The following FOXJ1 variants were observed in gnomAD, a reference collection of about 807,000 sequenced individuals.
The protein encoded by FOXJ1 is forkhead box protein J1.
Under a neutral mutation model 29.3 loss-of-function variants are expected in FOXJ1, and 8 were observed. The observed-to-expected ratio is 0.27, with a 90% CI of 0.16 to 0.49. The LOEUF is 0.49. Among genes scored for constraint, FOXJ1 ranks in the 20% least tolerant of loss-of-function variants. FOXJ1 has a pLI of 0.98. For missense variants in FOXJ1, 539 were observed against 595.5 expected (o/e 0.91, Z 0.99); for synonymous variants, 280 against 278.7 (o/e 1.00, Z -0.05).
rs2068509399 is a variant in FOXJ1 at position 76,140,457 on chromosome 17, C to A, written c.-62G>T. ...ACGGGCTGAGCCGGGGGTGGCCCGC[C>A]GCGCTCTCTGGCCCGCTGAGTCCCG... On this transcript the variant is annotated 5_prime_UTR_variant, in exon 2 of 3. Transcript: ENST00000322957. This position sits in a 1 kb window ranked among gnomAD's most constrained non-coding sequence, Gnocchi z 8.0. The A allele has an allele frequency of 3.0e-6, 4 of 1,345,010 alleles. No homozygotes were observed. The highest frequency in any genetic ancestry group is 3.8e-6 in the Non-Finnish European group (4 of 1,048,126). 83.3% of individuals were successfully genotyped at this position (1,345,010 alleles called of 1,614,324 possible).
rs768447827 is a variant in FOXJ1 at position 76,138,013 on chromosome 17, C to T, written c.606G>A (p.Ala202=). The T allele has an allele frequency of 8.7e-6, 14 of 1,613,436 alleles. No homozygotes were observed. Among genetic ancestry groups the T allele is most frequent in the South Asian group, 5.5e-5 (5 of 91,012 alleles). ...TGAAAGCGCCGCTCAGTAGCCGCTC[C>T]GCGTACTGGGGGTCAATGCGCCAGA... ...GGFWRIDPQY[A]ERLLSGAFKK... is the part of the protein sequence containing the mutation. Residue 202 remains alanine, a synonymous_variant, in exon 3 of 3, where the codon GCG becomes GCA. Coordinates refer to ENST00000322957, the MANE Select transcript of FOXJ1 (RefSeq NM_001454.4).
At position 76,140,013 on chromosome 17, in the gene FOXJ1, G is replaced by A. The variant is rs1337903167; in HGVS notation, c.383C>T (p.Thr128Met). The A allele has an allele frequency of 3.1e-6, 5 of 1,613,396 alleles. No individual in the cohort carries two copies. Among genetic ancestry groups the A allele is most frequent in the Non-Finnish European group, 4.2e-6 (5 of 1,179,958 alleles). ...GGCCTGCATGGCCATGCAGATGAGC[G>A]TGGCATACGAGTAGGGAGGCTTCAC... ...PHVKPPYSYA[T>M]LICMAMQASK... is the part of the protein sequence containing the mutation. Residue 128 changes from threonine to methionine, a missense_variant, in exon 2 of 3, where the codon ACG becomes ATG. Physicochemically the swap from Thr to Met is moderately conservative, Grantham distance 81 (BLOSUM62 -1). Transcript: ENST00000322957. This position sits in a 1 kb window ranked among gnomAD's most constrained non-coding sequence, Gnocchi z 8.0.
chr17:76,137,939 T>A lies in FOXJ1; in HGVS notation c.680A>T (p.Gln227Leu). The A allele has an allele frequency of 6.3e-7, 1 of 1,579,560 alleles. No homozygotes were observed. Among genetic ancestry groups the A allele is most frequent in the Non-Finnish European group, 8.6e-7 (1 of 1,162,946 alleles). Reference sequence around the variant, plus strand: ...GACAGCGCTGGGCTCCTGCGCGGCCTGGCGGGCAAAGGCTGGGTGGATGTG... The same window carrying A: ...GACAGCGCTGGGCTCCTGCGCGGCCAGGCGGGCAAAGGCTGGGTGGATGTG... ...PVHIHPAFAR[Q>L]AAQEPSAVPR... Residue 227 changes from glutamine (Q) to leucine (L), a missense_variant, in exon 3 of 3, where the codon CAG (glutamine) becomes CTG (leucine). Gln to Leu is a moderately radical substitution (Grantham distance 113). Coordinates refer to ENST00000322957, the MANE Select transcript of FOXJ1 (RefSeq NM_001454.4). This position sits in a 1 kb window ranked among gnomAD's most constrained non-coding sequence, Gnocchi z 9.5.
At position 76,140,337 on chromosome 17, in the gene FOXJ1, TCCGGCCCGGCCTCCTCCG is replaced by T; in HGVS notation, c.41_58del (p.Ala14_Pro19del). On this transcript the variant is annotated inframe_deletion, in exon 2 of 3. Transcript: ENST00000322957. This position sits in a 1 kb window ranked among gnomAD's most constrained non-coding sequence, Gnocchi z 8.0. ...GGCGTCGGGCTCCTCCAGGCCGCCC[TCCGGCCCGGCCTCCTCCG>T]CCGGCCCGGCTCCCGAGAGGCGCAG... The T allele has an allele frequency of 6.7e-7, 1 of 1,497,716 alleles. No homozygotes were observed. The highest frequency in any genetic ancestry group is 2.5e-5 in the Admixed American group (1 of 39,274). The allele number at this position is 1,497,716 out of a possible 1,614,324, so 92.8% of individuals were successfully genotyped here.
chr17:76,140,490 C>G lies in FOXJ1; in HGVS notation c.-95G>C. 8.9e-7 allele frequency: 1 copy of G among 1,118,348 alleles called. No homozygotes were observed. The highest frequency in any genetic ancestry group is 1.2e-6 in the Non-Finnish European group (1 of 851,202). 69.3% of individuals were successfully genotyped at this position (1,118,348 alleles called of 1,614,324 possible). The stretch of plus-strand genomic sequence containing the variant: ...CTGGCCCGCTGAGTCCCGCAGCTCC[C>G]GTTACACGGCCTCCCGGACGCGCGC... On this transcript the variant is annotated 5_prime_UTR_variant, in exon 2 of 3. Coordinates refer to ENST00000322957, the MANE Select transcript of FOXJ1 (RefSeq NM_001454.4). The surrounding 1 kb of genome is among the most constrained non-coding windows in gnomAD (Gnocchi z 8.0).
intron 2 of FOXJ1, among the ~76,000 whole-genome samples, chr17:76,138,813 G>A (rs549671717): frequency 2.0e-5 from 3 of 152,264 alleles, no homozygotes; most frequent in African/African-American, 4.8e-5. Context: ...CTGCTTTTTC[G>A]GTGCAGCTGC....
chr17:76,140,279 C>T lies in FOXJ1; in HGVS notation c.117G>A (p.Leu39=). ...TGGCGTTGAGAATGGAGAATTCCTG[C>T]AGCCACTGCAGGCTGGTCAGGCTGT... ...LDDSLTSLQW[L]QEFSILNAKA... Residue 39 remains leucine (L), a synonymous_variant, in exon 2 of 3, where the codon CTG becomes CTA. Transcript: ENST00000322957. This position sits in a 1 kb window ranked among gnomAD's most constrained non-coding sequence, Gnocchi z 8.0. 1 of 1,480,348 alleles carries T rather than the reference C, an allele frequency of 6.8e-7. No homozygotes were observed. Among genetic ancestry groups the T allele is most frequent in the East Asian group, 2.6e-5 (1 of 38,098 alleles). The allele number at this position is 1,480,348 out of a possible 1,614,324, so 91.7% of individuals were successfully genotyped here.
Position 76,136,964 on chromosome 17 carries a change from G to A in FOXJ1, c.*389C>T, listed in dbSNP as rs1039197090. The A allele has an allele frequency of 1.1e-5, 2 of 188,258 alleles. No homozygotes were observed. Among genetic ancestry groups the A allele is most frequent in the Admixed American group, 1.2e-4 (2 of 16,336 alleles). The allele number at this position is 188,258 out of a possible 1,614,324, so 11.7% of individuals were successfully genotyped here. On this transcript the variant is annotated 3_prime_UTR_variant, in exon 3 of 3. Coordinates refer to ENST00000322957, the MANE Select transcript of FOXJ1 (RefSeq NM_001454.4). The surrounding 1 kb of genome is among the most constrained non-coding windows in gnomAD (Gnocchi z 4.9). Reference sequence around the variant, plus strand: ...GGGACTCTCTCTGGATAGAGACCTGGGGAAGCAGGGGGGAAGCGGAGGTGC... The same window carrying A: ...GGGACTCTCTCTGGATAGAGACCTGAGGAAGCAGGGGGGAAGCGGAGGTGC...
chr17:76,137,455 C>G lies in FOXJ1; in HGVS notation c.1164G>C (p.Glu388Asp). The G allele has an allele frequency of 6.4e-7, 1 of 1,558,886 alleles. No individual in the cohort carries two copies. Residue 388 changes from glutamate (E) to aspartate (D), a missense_variant, in exon 3 of 3, where the codon GAG becomes GAC. By Grantham distance (45) the Glu-to-Asp change is conservative. Transcript: ENST00000322957. The surrounding 1 kb of genome is among the most constrained non-coding windows in gnomAD (Gnocchi z 9.5). Reference protein sequence around the residue: ...ATSFLQHPWDESGSGCLPPEP... With the variant: ...ATSFLQHPWDDSGSGCLPPEP... ...CCGGGGGCAGGCAGCCACTGCCGCT[C>G]TCGTCCCAGGGGTGCTGCAGGAAGG... is the stretch of plus-strand genomic sequence containing the variant.
intron 2 of FOXJ1, among the ~76,000 whole-genome samples, chr17:76,138,486 C>T (rs567486701): frequency 4.6e-5 from 7 of 152,266 alleles, no homozygotes; most frequent in South Asian, 2.1e-4. Flanking sequence ...CCTGGACCAC[C>T]GTCTCCCTTT....
rs1248510387 is a variant in FOXJ1, at chr17:76,141,125, C to G, written c.-181G>C. ...TCCCCATCCCTTACCTGGCTCAGAG[C>G]GCAGCCCGGGCCAGAGGAAGGTTCT... On this transcript the variant is annotated 5_prime_UTR_variant, in exon 1 of 3. Transcript: ENST00000322957. This position sits in a 1 kb window ranked among gnomAD's most constrained non-coding sequence, Gnocchi z 4.2. The G allele has an allele frequency of 6.6e-6, 1 of 152,334 alleles. No individual in the cohort carries two copies. The highest frequency in any genetic ancestry group is 2.1e-4 in the South Asian group (1 of 4,832). The allele number at this position is 152,334 out of a possible 1,614,324, so 9.4% of individuals were successfully genotyped here.
rs2068506630 is a variant in FOXJ1, at chr17:76,140,136, G to A, written c.260C>T (p.Thr87Met). The A allele has an allele frequency of 1.9e-6, 3 of 1,573,594 alleles. No individual in the cohort carries two copies. Among genetic ancestry groups the A allele is most frequent in the Non-Finnish European group, 2.6e-6 (3 of 1,167,238 alleles). The part of the protein sequence containing the change: ...ADPACLGQPH[T>M]PGKPTSSCTS... ...GCACGACGACGTGGGCTTGCCCGGC[G>A]TGTGTGGCTGCCCCAGGCAGGCGGG... Residue 87 changes from threonine (T) to methionine (M), a missense_variant, in exon 2 of 3, where the codon ACG (threonine) becomes ATG (methionine). Coordinates refer to ENST00000322957, the MANE Select transcript of FOXJ1 (RefSeq NM_001454.4). The surrounding 1 kb of genome is among the most constrained non-coding windows in gnomAD (Gnocchi z 8.0).
At chr17:76,138,203 C>A in intron 2 of FOXJ1, 83 bp from the exon 3 acceptor site, 2 of 1,429,758 alleles carry the variant, frequency 1.4e-6, no homozygotes, top group South Asian at 1.2e-5. Context: ...GGCGCTGCTG[C>A]GCACCCCCCA....
At chr17:76,138,886 G>A (rs1034707911) in intron 2 of FOXJ1, among the ~76,000 whole-genome samples, 1 of 152,216 alleles carries the variant, frequency 6.6e-6, no homozygotes, top group Non-Finnish European at 1.5e-5. Flanking sequence ...CCTGTGGCCT[G>A]CCCGCTTTGG....
At position 76,140,559 on chromosome 17, in the gene FOXJ1, T is replaced by G. The variant is rs2068510291; in HGVS notation, c.-164A>C. The G allele has an allele frequency of 1.7e-6, 1 of 603,892 alleles. No individual in the cohort carries two copies. Among genetic ancestry groups the G allele is most frequent in the African/African-American group, 2.0e-5 (1 of 50,552 alleles). 37.4% of individuals were successfully genotyped at this position (603,892 alleles called of 1,614,324 possible). A position where few individuals can be genotyped will look rare whatever the true frequency, so the allele number is the denominator to read the frequency against. On this transcript the variant is annotated 5_prime_UTR_variant, in exon 2 of 3. Coordinates refer to ENST00000322957, the MANE Select transcript of FOXJ1 (RefSeq NM_001454.4). The surrounding 1 kb of genome is among the most constrained non-coding windows in gnomAD (Gnocchi z 8.0). ...GGGGCGCCTCCTCCGAATAAGTATG[T>G]GGTGCCTGCGAGGACCACGGTGGGA...
At chr17:76,138,568 G>A (rs1166998453) in intron 2 of FOXJ1, among the ~76,000 whole-genome samples, 1 of 152,074 alleles carries the variant, frequency 6.6e-6, no homozygotes, top group African/African-American at 2.4e-5. Context: ...AGAGTGGAGA[G>A]GAAGGGGGAG....
In FOXJ1 at chr17:76,137,964, G is replaced by A; in HGVS notation, c.655C>T (p.His219Tyr). Residue 219 changes from histidine (H) to tyrosine (Y), a missense_variant, in exon 3 of 3, where the codon CAC becomes TAC. His to Tyr is a moderately conservative substitution (Grantham distance 83). This residue lies in a region of FOXJ1 where 302 missense variants were observed against 293.6 expected (regional missense o/e 1.03). Coordinates refer to ENST00000322957, the MANE Select transcript of FOXJ1 (RefSeq NM_001454.4). The surrounding 1 kb of genome is among the most constrained non-coding windows in gnomAD (Gnocchi z 9.5). The stretch of plus-strand genomic sequence containing the variant: ...TGGCGGGCAAAGGCTGGGTGGATGT[G>A]GACAGGGGGCAGTCGCCGCTTCTTG... ...AFKKRRLPPV[H>Y]IHPAFARQAA... is the part of the protein sequence containing the mutation. 1.3e-6 allele frequency: 2 copies of A among 1,595,728 alleles called. No homozygotes were observed. Among genetic ancestry groups the A allele is most frequent in the Non-Finnish European group, 8.5e-7 (1 of 1,171,362 alleles).
intron 2 of FOXJ1, 118 bp from the exon 3 acceptor site, chr17:76,138,238 G>A (rs2068492782): frequency 1.9e-6 from 2 of 1,028,212 alleles, no homozygotes; most frequent in Admixed American, 5.2e-5. Flanking sequence ...GGGGAGAGGA[G>A]GGGGGGACAG....
intron 2 of FOXJ1, 148 bp from the exon 3 acceptor site, chr17:76,138,268 C>A (rs574926979): frequency 3.6e-6 from 3 of 843,288 alleles, no homozygotes; most frequent in Non-Finnish European, 5.5e-6. Flanking sequence ...TCTGCCCAGG[C>A]GGCTGCAGCT....
Sources: allele counts gnomAD v4.1 joint callset (sites outside exome capture counted in the v4.1 genomes callset), GRCh38; gene constraint gnomAD v4.1.1; regional missense constraint gnomAD v4.1.1; non-coding constraint Gnocchi (gnomAD v3.1); transcripts MANE v1.5; gene names NCBI Gene and HGNC (gene_info 2026-07-23, HGNC 2026-07-21).